KCNH7: variants seen among roughly 807,000 people sequenced by gnomAD.
KCNH7 encodes potassium voltage-gated channel subfamily H member 7, also known as voltage-gated inwardly rectifying potassium channel KCNH7.
A neutral mutation model predicts 120.8 loss-of-function variants in KCNH7; 49 were observed. That is an observed-to-expected ratio of 0.41 (90% CI 0.32 to 0.51). The LOEUF (loss-of-function observed/expected upper bound fraction) is 0.51. Ranked by LOEUF, KCNH7 falls within the 20% of genes least tolerant of loss-of-function variation. KCNH7 has a pLI of 0.38. For synonymous variants in KCNH7, 547 were observed against 516.1 expected (o/e 1.06, Z -0.81); for missense variants, 1,097 against 1,446.6 (o/e 0.76, Z 3.92).
chr2:162,764,660 T>C (rs1313174328), intron 2 of KCNH7, among the ~76,000 whole-genome samples: 1 of 152,146 alleles, frequency 6.6e-6, no homozygotes, highest in Non-Finnish European at 1.5e-5. Context: ...ATAAACAATG[T>C]AAGCTTAGAT....
At chr2:162,672,200 C>T (rs938527243) in intron 2 of KCNH7, among the ~76,000 whole-genome samples, 2 of 151,944 alleles carry the variant, frequency 1.3e-5, no homozygotes, top group Non-Finnish European at 2.9e-5. Flanking sequence ...TTTAATGAAA[C>T]ATACAAAACA....
At chr2:162,791,963 C>T (rs1683962167) in intron 2 of KCNH7, among the ~76,000 whole-genome samples, 1 of 151,848 alleles carries the variant, frequency 6.6e-6, no homozygotes, top group South Asian at 2.1e-4. Context: ...CCTTCAATAC[C>T]TAATTTATCG....
intron 9 of KCNH7, among the ~76,000 whole-genome samples, chr2:162,414,994 T>C (rs1423580682): frequency 6.6e-6 from 1 of 151,976 alleles, no homozygotes; most frequent in Non-Finnish European, 1.5e-5. Context: ...TTGATAGAAA[T>C]TGACCTAACA....
At chr2:162,646,040 C>T (rs936097978) in intron 2 of KCNH7, among the ~76,000 whole-genome samples, 2 of 152,124 alleles carry the variant, frequency 1.3e-5, no homozygotes, top group African/African-American at 4.8e-5. Flanking sequence ...ATATACAATC[C>T]ATGTGGTCAA....
intron 2 of KCNH7, among the ~76,000 whole-genome samples, chr2:162,752,014 T>C (rs1688568729): frequency 1.3e-5 from 2 of 152,124 alleles, no homozygotes; most frequent in South Asian, 4.1e-4. Flanking sequence ...TATTTGCTTG[T>C]TTTCCACTAT....
intron 2 of KCNH7, among the ~76,000 whole-genome samples, chr2:162,566,119 A>C (rs1693242301): frequency 6.6e-6 from 1 of 151,868 alleles, no homozygotes; most frequent in African/African-American, 2.4e-5. Context: ...ATATTCACCT[A>C]AGAGGCCGCT....
At chr2:162,634,888 T>A (rs1574199811) in intron 2 of KCNH7, among the ~76,000 whole-genome samples, 1 of 152,190 alleles carries the variant, frequency 6.6e-6, no homozygotes, top group Admixed American at 6.6e-5. Flanking sequence ...TCAAAAAATA[T>A]TAAAATAGTC....
intron 2 of KCNH7, among the ~76,000 whole-genome samples, chr2:162,814,455 A>C (rs1338760309): frequency 6.6e-6 from 1 of 152,208 alleles, no homozygotes; most frequent in African/African-American, 2.4e-5. Context: ...AATAGGCCTC[A>C]AGTCTTCGCT....
chr2:162,493,060 C>G (rs1690375520), intron 6 of KCNH7, among the ~76,000 whole-genome samples: 2 of 151,918 alleles, frequency 1.3e-5, no homozygotes, highest in Admixed American at 6.6e-5. Context: ...ATTTGTTTTC[C>G]TCATGGAACC....
chr2:162,606,981 T>A (rs1444010767), intron 2 of KCNH7, among the ~76,000 whole-genome samples: 1 of 152,112 alleles, frequency 6.6e-6, no homozygotes, highest in Non-Finnish European at 1.5e-5. Context: ...CTAAAATTGT[T>A]TTTTGAGCAT....
intron 2 of KCNH7, among the ~76,000 whole-genome samples, chr2:162,753,973 T>C (rs1338463115): frequency 1.3e-5 from 2 of 151,998 alleles, no homozygotes; most frequent in East Asian, 3.9e-4. Flanking sequence ...TAACAATATT[T>C]TAATATTTAC....
intron 2 of KCNH7, among the ~76,000 whole-genome samples, chr2:162,577,028 G>A (rs1388668848): frequency 3.3e-5 from 5 of 151,690 alleles, no homozygotes; most frequent in Non-Finnish European, 7.4e-5. Context: ...CCATCCTCTT[G>A]CCTCAATCTT....
chr2:162,730,485 C>A (rs1687685850), intron 2 of KCNH7, among the ~76,000 whole-genome samples: 1 of 151,644 alleles, frequency 6.6e-6, no homozygotes, highest in Non-Finnish European at 1.5e-5. Context: ...TTAAAGAATA[C>A]TATTATAAAT....
At chr2:162,421,171 C>A (rs947350569) in intron 9 of KCNH7, among the ~76,000 whole-genome samples, 1 of 151,914 alleles carries the variant, frequency 6.6e-6, no homozygotes, top group Non-Finnish European at 1.5e-5. Flanking sequence ...CAAGACTCAG[C>A]GGCACATGGT....
intron 2 of KCNH7, among the ~76,000 whole-genome samples, chr2:162,613,934 A>C (rs1683055392): frequency 6.6e-6 from 1 of 150,606 alleles, no homozygotes; most frequent in Admixed American, 6.7e-5. Flanking sequence ...AACTTAAATA[A>C]TCCTTCCCCA....
intron 6 of KCNH7, among the ~76,000 whole-genome samples, chr2:162,457,342 A>G (rs1184168023): frequency 6.6e-6 from 1 of 152,138 alleles, no homozygotes; most frequent in Admixed American, 6.6e-5. Flanking sequence ...AGAAAAAAAT[A>G]AGGAATAAAA....
At position 162,560,373 on chromosome 2, in the gene KCNH7, CA is replaced by C. The variant is rs759471489; in HGVS notation, c.308-23294del. Among the ~76,000 whole-genome samples, 17 of 152,248 alleles carry C rather than the reference CA, an allele frequency of 1.1e-4. No individual in the cohort carries two copies. In the South Asian group the frequency reaches 3.3e-3, roughly 30 times the overall value. ...TCTAACTGTAACATCGGAACAGGAG[CA>C]AAAGTATCACACCATCCTAGACTCA... is the stretch of plus-strand genomic sequence containing the variant. On this transcript the variant is annotated intron_variant, in intron 2 of 15. Transcript: ENST00000332142.
intron 2 of KCNH7, among the ~76,000 whole-genome samples, chr2:162,660,937 A>G (rs984384039): frequency 3.9e-5 from 6 of 152,182 alleles, no homozygotes; most frequent in Non-Finnish European, 8.8e-5. Flanking sequence ...CCTCTATACC[A>G]CGCTTCCCAG....
chr2:162,802,544 A>C (rs1297748936), intron 2 of KCNH7, among the ~76,000 whole-genome samples: 1 of 151,752 alleles, frequency 6.6e-6, no homozygotes, highest in African/African-American at 2.4e-5. Flanking sequence ...CAATATCTCT[A>C]TACCAGTGTT....
Sources: gnomAD v4.1 joint callset for allele counts (sites outside exome capture counted in the v4.1 genomes callset) on GRCh38, gnomAD v4.1.1 for gene constraint, MANE v1.5 for transcripts, NCBI Gene and HGNC (gene_info 2026-07-23, HGNC 2026-07-21) for gene names.